The following CLEC4A variants were observed in gnomAD, a reference collection of about 807,000 sequenced individuals.
CLEC4A encodes the protein C-type lectin domain family 4 member A, also known as C-type (calcium dependent, carbohydrate-recognition domain) lectin, superfamily member 6.
Under a neutral mutation model 32.7 loss-of-function variants are expected in CLEC4A, and 27 were observed. The ratio of observed to expected loss-of-function variants is 0.83; its 90% CI spans 0.61 to 1.14. CLEC4A has a LOEUF of 1.14. CLEC4A is among the 50% of genes most tolerant of loss of function. The pLI, the probability that CLEC4A is intolerant of heterozygous loss-of-function variation, is 0.00. For missense variants in CLEC4A, 253 were observed against 274.6 expected (o/e 0.92, Z 0.55); for synonymous variants, 89 against 93.7 (o/e 0.95, Z 0.29).
chr12:8,138,151 C>T lies in CLEC4A; in HGVS notation c.578C>T (p.Pro193Leu). ...TTTGTCGCTTTCAGATTCTGGCATCCACGTGAGCCCAGTGATCCCAATGAG... is the reference window on the plus strand; with the variant it reads ...TTTGTCGCTTTCAGATTCTGGCATCTACGTGAGCCCAGTGATCCCAATGAG... ...PYNESSTFWHPREPSDPNERC... is the reference protein window; with the variant it reads ...PYNESSTFWHLREPSDPNERC... The change falls in exon 6 of 6, where the codon CCA (proline) becomes CTA (leucine). Residue 193 changes from proline to leucine, a missense_variant. Transcript: ENST00000229332. 2 of 1,613,798 alleles carry T rather than the reference C, an allele frequency of 1.2e-6. No individual in the cohort carries two copies. Among genetic ancestry groups the T allele is most frequent in the Non-Finnish European group, 1.7e-6 (2 of 1,179,856 alleles).
chr12:8,133,320 G>C (rs946065525), intron 3 of CLEC4A, among the ~76,000 whole-genome samples: 1 of 152,170 alleles, frequency 6.6e-6, no homozygotes, highest in Non-Finnish European at 1.5e-5. Context: ...TAAAGTGCTG[G>C]GTTTACAGGC....
Position 8,123,680 on chromosome 12 carries a change from C to T in CLEC4A, c.-199C>T, listed in dbSNP as rs1253159774. 6.8e-5 allele frequency: 37 copies of T among 541,168 alleles called. 1 individual carries two copies. The highest frequency in any genetic ancestry group is 1.4e-4 in the South Asian group (6 of 43,162). The allele number at this position is 541,168 out of a possible 1,614,324, so 33.5% of individuals were successfully genotyped here. ...CTGAGGAAAGGGCTTCTGTGAACTG[C>T]GGTTTTTAGTTTTTATTGTGGTTCT... On this transcript the variant is annotated 5_prime_UTR_variant, in exon 1 of 6. Transcript: ENST00000229332.
intron 3 of CLEC4A, chr12:8,134,637 C>G: frequency 6.2e-7 from 1 of 1,607,754 alleles, no homozygotes; most frequent in East Asian, 2.2e-5. Flanking sequence ...GTACGCCATC[C>G]CCCCGCAGAA....
chr12:8,104,897 A>T, the CLEC4A span, among the ~76,000 whole-genome samples: 51 of 152,248 alleles, frequency 3.3e-4, no homozygotes, highest in Admixed American at 1.7e-3. Flanking sequence ...GCTGCCAAGG[A>T]CATGTTCTTT....
At chr12:8,116,205 A>C in the CLEC4A span, among the ~76,000 whole-genome samples, 17 of 151,812 alleles carry the variant, frequency 1.1e-4, no homozygotes, top group Non-Finnish European at 4.4e-5. Flanking sequence ...CAAATGACCC[A>C]CCTGTCTCGG....
chr12:8,133,975 T>C (rs1298421507), intron 3 of CLEC4A: 2 of 1,608,626 alleles, frequency 1.2e-6, no homozygotes, highest in African/African-American at 1.3e-5. Context: ...CCTCTCGTTG[T>C]GCATAGCCAC....
chr12:8,105,223 C>T, the CLEC4A span, among the ~76,000 whole-genome samples: 2 of 152,192 alleles, frequency 1.3e-5, no homozygotes, highest in African/African-American at 4.8e-5. Context: ...CTTTTTCCTG[C>T]AGCCTCATCA....
intron 3 of CLEC4A, among the ~76,000 whole-genome samples, chr12:8,132,768 T>C (rs770687841): frequency 6.6e-6 from 1 of 152,372 alleles, no homozygotes; most frequent in African/African-American, 2.4e-5. Context: ...TGTCAATTCC[T>C]CTTTCAATTG....
chr12:8,129,371 T>C lies in CLEC4A; in HGVS notation c.298+9T>C. On this transcript the variant is annotated intron_variant, in intron 3 of 5. Coordinates refer to ENST00000229332, the MANE Select transcript of CLEC4A (RefSeq NM_016184.4). ...AAATATGCCCGTGGAAGGTAAAAATTAATGTGCCTAGAATTCAGTTGCTGA... is the reference window on the plus strand; with the variant it reads ...AAATATGCCCGTGGAAGGTAAAAATCAATGTGCCTAGAATTCAGTTGCTGA... 2.6e-6 allele frequency: 4 copies of C among 1,539,326 alleles called. No homozygotes were observed. Among genetic ancestry groups the C allele is most frequent in the Non-Finnish European group, 3.6e-6 (4 of 1,114,490 alleles).
At chr12:8,133,538 CTTTAT>C (rs1295125890) in intron 3 of CLEC4A, among the ~76,000 whole-genome samples, 2 of 140,298 alleles carry the variant, frequency 1.4e-5, no homozygotes, top group East Asian at 4.1e-4. Flanking sequence ...GTTGAGGCTT[CTTTAT>C]TTAAGAAAAA....
intron 2 of CLEC4A, among the ~76,000 whole-genome samples, chr12:8,126,371 A>ATTTTTTT (rs55729993): frequency 8.6e-6 from 1 of 115,696 alleles, no homozygotes; most frequent in East Asian, 2.4e-4. Flanking sequence ...TGCTCAGCTA[A>ATTTTTTT]TTTTTTTTTT....
chr12:8,121,276 A>G (rs1271668592), upstream of CLEC4A: 4 of 152,340 alleles, frequency 2.6e-5, no homozygotes, highest in East Asian at 7.7e-4. Flanking sequence ...CTGAGAATCA[A>G]TGATTGTTAT....
Position 8,138,579 on chromosome 12 carries a change from A to G in CLEC4A, c.*292A>G, listed in dbSNP as rs893872065. The G allele has an allele frequency of 2.4e-5, 5 of 209,592 alleles. No homozygotes were observed. Among genetic ancestry groups the G allele is most frequent in the African/African-American group, 1.2e-4 (5 of 42,850 alleles). 13.0% of individuals were successfully genotyped at this position (209,592 alleles called of 1,614,324 possible). ...TTATCTGGTTGCTAAAGAATTATTT[A>G]CCAATAAAATTATATGATGTGGTGT... On this transcript the variant is annotated 3_prime_UTR_variant, in exon 6 of 6. Transcript: ENST00000229332.
the CLEC4A span, among the ~76,000 whole-genome samples, chr12:8,115,465 T>C: frequency 2.6e-5 from 4 of 152,200 alleles, no homozygotes. Flanking sequence ...CACTGCCTGA[T>C]AGACCAGGAC....
the CLEC4A span, among the ~76,000 whole-genome samples, chr12:8,105,517 G>A: frequency 6.6e-6 from 1 of 151,722 alleles, no homozygotes; most frequent in Non-Finnish European, 1.5e-5. Context: ...GGCTGGCTAA[G>A]TTTTTTGTAT....
chr12:8,121,170 G>T (rs1435491610), upstream of CLEC4A: 1 of 152,234 alleles, frequency 6.6e-6, no homozygotes, highest in East Asian at 1.9e-4. Flanking sequence ...TGGTGATACG[G>T]TGTAATCCAG....
Position 8,138,542 on chromosome 12 carries a change from C to G in CLEC4A, c.*255C>G, listed in dbSNP as rs767026335. 289 of 319,098 alleles carry G rather than the reference C, an allele frequency of 9.1e-4. 1 individual carries two copies. The highest frequency in any genetic ancestry group is 6.0e-3 in the African/African-American group (276 of 46,366). The allele number at this position is 319,098 out of a possible 1,614,324, so 19.8% of individuals were successfully genotyped here. A position where few individuals can be genotyped will look rare whatever the true frequency, so the allele number is the denominator to read the frequency against. On this transcript the variant is annotated 3_prime_UTR_variant, in exon 6 of 6. Transcript: ENST00000229332. ...GTGCACACATGGAGAGAACATGAGT[C>G]TCTCTTAATTTTTATCTGGTTGCTA...
intron 3 of CLEC4A, among the ~76,000 whole-genome samples, chr12:8,131,643 ATGTT>A (rs1947997770): frequency 6.6e-6 from 1 of 152,166 alleles, no homozygotes; most frequent in Non-Finnish European, 1.5e-5. Context: ...AACATCCAGA[ATGTT>A]TGGCCAAATA....
chr12:8,127,740 A>C (rs1196673714), intron 2 of CLEC4A, among the ~76,000 whole-genome samples: 2 of 152,234 alleles, frequency 1.3e-5, no homozygotes, highest in Non-Finnish European at 2.9e-5. Context: ...TTTGAATGAT[A>C]AAGGAGGTAG....
Sources: allele counts gnomAD v4.1 joint callset (sites outside exome capture counted in the v4.1 genomes callset), GRCh38; gene constraint gnomAD v4.1.1; transcripts MANE v1.5; gene names NCBI Gene and HGNC (gene_info 2026-07-23, HGNC 2026-07-21).